DSE: variants seen among roughly 807,000 people sequenced by gnomAD.
DSE encodes the protein dermatan-sulfate epimerase.
A neutral mutation model predicts 84.4 loss-of-function variants in DSE; 36 were observed. The ratio of observed to expected loss-of-function variants is 0.43; its 90% confidence interval spans 0.33 to 0.56. The LOEUF (loss-of-function observed/expected upper bound fraction) is 0.56, where lower values mean the gene tolerates loss of function less well. Among genes scored for constraint, DSE ranks in the 20% least tolerant of loss-of-function variants. The pLI is 0.06. For missense variants in DSE, 862 were observed against 1,169.6 expected, an observed-to-expected ratio of 0.74 and a Z score of 3.84; for synonymous variants, 410 against 430.1, an observed-to-expected ratio of 0.95 and a Z score of 0.58.
chr6:116,356,023 T>C (rs1416128572), intron 2 of DSE, among the ~76,000 whole-genome samples: 27 of 152,206 alleles, frequency 1.8e-4, no homozygotes, highest in Admixed American at 1.8e-3. Flanking sequence ...ACATGACTAT[T>C]GCTTCCCTTA....
intron 2 of DSE, among the ~76,000 whole-genome samples, chr6:116,301,431 C>T (rs1775034322): frequency 6.6e-6 from 1 of 152,116 alleles, no homozygotes; most frequent in Non-Finnish European, 1.5e-5. Flanking sequence ...CTTGGGTATC[C>T]TTCTGTATTA....
At chr6:116,396,320 TG>T (rs1342547394) in intron 1 of DSE, among the ~76,000 whole-genome samples, 1 of 152,146 alleles carries the variant, frequency 6.6e-6, no homozygotes, top group African/African-American at 2.4e-5. Context: ...ATCAACTCTT[TG>T]GGTGAATCAA....
intron 2 of DSE, among the ~76,000 whole-genome samples, chr6:116,347,023 G>T (rs371827244): frequency 6.6e-6 from 1 of 152,116 alleles, no homozygotes; most frequent in Non-Finnish European, 1.5e-5. Flanking sequence ...ATTCACAATT[G>T]CTTCAAAGAG....
At chr6:116,356,700 AGTT>A (rs1010973532) in intron 2 of DSE, among the ~76,000 whole-genome samples, 3 of 152,138 alleles carry the variant, frequency 2.0e-5, no homozygotes, top group African/African-American at 7.2e-5. Flanking sequence ...TGGTAACCTG[AGTT>A]GTTGGTAGAG....
At chr6:116,287,827 T>C (rs769771776) in intron 2 of DSE, among the ~76,000 whole-genome samples, 1 of 152,102 alleles carries the variant, frequency 6.6e-6, no homozygotes, top group Non-Finnish European at 1.5e-5. Flanking sequence ...CCTGCTGAGA[T>C]TGTCACTTTT....
chr6:116,375,453 A>G (rs946740710), intron 1 of DSE: 12 of 804,350 alleles, frequency 1.5e-5, no homozygotes, highest in South Asian at 5.7e-5. Flanking sequence ...GCAGTGAGCT[A>G]TGGTCACACC....
In DSE at chr6:116,435,742, G is replaced by T; in HGVS notation, c.1274G>T (p.Arg425Leu). 6.2e-7 allele frequency: 1 copy of T among 1,614,026 alleles called. No individual in the cohort carries two copies. Among genetic ancestry groups the T allele is most frequent in the Non-Finnish European group, 8.5e-7 (1 of 1,179,986 alleles). Residue 425 changes from arginine (R) to leucine (L), a missense_variant, in exon 6 of 6, where the codon CGT becomes CTT. Arg to Leu is a moderately radical substitution (Grantham distance 102, BLOSUM62 -2). This residue lies in a region of DSE where 309 missense variants were observed against 516.9 expected (regional missense o/e 0.60). Transcript: ENST00000644252. Reference sequence around the variant, plus strand: ...TTCAAGTCTGGAAAACTGGGGGGACGTGCAATATATGACATTGTCCACAGA... The same window carrying T: ...TTCAAGTCTGGAAAACTGGGGGGACTTGCAATATATGACATTGTCCACAGA... ...LSFKSGKLGG[R>L]AIYDIVHRNK...
chr6:116,443,659 A>G lies in DSE; in HGVS notation c.*6314A>G, dbSNP rs1001925933. The stretch of plus-strand genomic sequence containing the variant: ...CTGCTCCTTCTGCATATCTCTAGAA[A>G]TTTGTTATGGGGAAGTCTTTATCAA... On this transcript the variant is annotated 3_prime_UTR_variant, in exon 6 of 6. Transcript: ENST00000644252. 6.6e-6 allele frequency: 1 copy of G among 152,214 alleles called. No homozygotes were observed. Among genetic ancestry groups the G allele is most frequent in the Non-Finnish European group, 1.5e-5 (1 of 68,038 alleles). 9.4% of individuals were successfully genotyped at this position (152,214 alleles called of 1,614,324 possible). A position where few individuals can be genotyped will look rare whatever the true frequency, so the allele number is the denominator to read the frequency against.
At chr6:116,421,542 A>G (rs868604873) in intron 2 of DSE, among the ~76,000 whole-genome samples, 3 of 134,542 alleles carry the variant, frequency 2.2e-5, no homozygotes, top group African/African-American at 8.5e-5. Context: ...TGGTGCAGTC[A>G]TAGCTCACTG....
In DSE at chr6:116,442,748, A is replaced by G. The variant is rs1784466981; in HGVS notation, c.*5403A>G. ...GCCATGAGGCTGCTCAACCATTTTTATGCCTCAGCATAACTGAGGGCTACA... is the reference window on the plus strand; with the variant it reads ...GCCATGAGGCTGCTCAACCATTTTTGTGCCTCAGCATAACTGAGGGCTACA... On this transcript the variant is annotated 3_prime_UTR_variant, in exon 6 of 6. Transcript: ENST00000644252. 1 of 152,190 alleles carries G rather than the reference A, an allele frequency of 6.6e-6. No homozygotes were observed. Among genetic ancestry groups the G allele is most frequent in the East Asian group, 1.9e-4 (1 of 5,182 alleles). The allele number at this position is 152,190 out of a possible 1,614,324, so 9.4% of individuals were successfully genotyped here. A position where few individuals can be genotyped will look rare whatever the true frequency, so the allele number is the denominator to read the frequency against.
chr6:116,328,783 A>G (rs1776779650), intron 2 of DSE, among the ~76,000 whole-genome samples: 1 of 152,226 alleles, frequency 6.6e-6, no homozygotes, highest in South Asian at 2.1e-4. Context: ...GCTGTTTAAA[A>G]GGAAGTGAGT....
intron 2 of DSE, among the ~76,000 whole-genome samples, chr6:116,292,764 T>G (rs1232499872): frequency 1.3e-5 from 2 of 152,160 alleles, no homozygotes; most frequent in African/African-American, 4.8e-5. Context: ...ACGTAACCTT[T>G]AAAAGGAATA....
intron 2 of DSE, among the ~76,000 whole-genome samples, chr6:116,328,319 T>A (rs903963969): frequency 6.6e-6 from 1 of 152,230 alleles, no homozygotes; most frequent in African/African-American, 2.4e-5. Context: ...AATTTAAAAC[T>A]AATTAACATT....
At chr6:116,350,208 G>A (rs1389783902) in intron 2 of DSE, among the ~76,000 whole-genome samples, 2 of 152,132 alleles carry the variant, frequency 1.3e-5, no homozygotes, top group African/African-American at 4.8e-5. Context: ...ACTGAAAAGT[G>A]ATCAGGCCAT....
intron 2 of DSE, among the ~76,000 whole-genome samples, chr6:116,355,982 A>G (rs1778547757): frequency 6.6e-6 from 1 of 152,240 alleles, no homozygotes; most frequent in Non-Finnish European, 1.5e-5. Flanking sequence ...CCCAATAACT[A>G]TCTGGAGGAT....
chr6:116,375,220 G>A (rs998392201), intron 1 of DSE, among the ~76,000 whole-genome samples: 2 of 148,884 alleles, frequency 1.3e-5, no homozygotes, highest in African/African-American at 4.8e-5. Flanking sequence ...TGTACTGATC[G>A]ATGTACCATT....
intron 2 of DSE, among the ~76,000 whole-genome samples, chr6:116,362,666 G>A (rs910140985): frequency 2.0e-5 from 3 of 152,152 alleles, no homozygotes; most frequent in Non-Finnish European, 4.4e-5. Context: ...TCCAGTCTAT[G>A]GTATTTTGTC....
intron 2 of DSE, chr6:116,401,179 A>C (rs1273696467): frequency 1.3e-5 from 2 of 152,190 alleles, no homozygotes; most frequent in African/African-American, 4.8e-5. Context: ...TTCTCATTAT[A>C]ATGTAAAATA....
At chr6:116,310,116 C>CAG (rs1775598016) in intron 2 of DSE, among the ~76,000 whole-genome samples, 1 of 152,174 alleles carries the variant, frequency 6.6e-6, no homozygotes, top group East Asian at 1.9e-4. Context: ...CAGGAAATTA[C>CAG]TGTTTTACAG....
Sources: gnomAD v4.1 joint callset for allele counts (sites outside exome capture counted in the v4.1 genomes callset) on GRCh38, gnomAD v4.1.1 for gene constraint, gnomAD v4.1.1 regional missense constraint, MANE v1.5 for transcripts, NCBI Gene and HGNC (gene_info 2026-07-23, HGNC 2026-07-21) for gene names.